The following MIS18A variants were observed in gnomAD, a reference collection of about 807,000 sequenced individuals.
MIS18A encodes the protein protein Mis18-alpha.
MIS18A carries 14 observed loss-of-function variants against 25.0 expected under a neutral mutation model. The observed-to-expected ratio is 0.56, with a 90% confidence interval of 0.37 to 0.88. The LOEUF (loss-of-function observed/expected upper bound fraction) is 0.88. Ranked by LOEUF, MIS18A falls within the 40% of genes least tolerant of loss-of-function variation. The pLI is 0.00. For synonymous variants in MIS18A, 134 were observed against 118.6 expected, an observed-to-expected ratio of 1.13 and a Z score of -0.84; for missense variants, 292 against 290.8, an observed-to-expected ratio of 1.00 and a Z score of -0.03.
chr21:32,241,111 G>A, the MIS18A span, among the ~76,000 whole-genome samples: 2 of 152,174 alleles, frequency 1.3e-5, no homozygotes, highest in African/African-American at 4.8e-5. Context: ...AGAGACCGTA[G>A]TGATTTTTAT....
At chr21:32,274,753 C>A in intron 2 of MIS18A, 77 bp downstream of exon 2, 2 of 1,097,482 alleles carry the variant, frequency 1.8e-6, no homozygotes, top group South Asian at 2.8e-5. Flanking sequence ...AGTAATCTTA[C>A]TACTAGTAAT....
chr21:32,174,200 T>A, the MIS18A span, among the ~76,000 whole-genome samples: 1 of 151,986 alleles, frequency 6.6e-6, no homozygotes, highest in South Asian at 2.1e-4. Flanking sequence ...CCTGACCTCA[T>A]GATCCGCCCG....
chr21:32,216,986 G>A, the MIS18A span, among the ~76,000 whole-genome samples: 5 of 152,060 alleles, frequency 3.3e-5, no homozygotes, highest in Admixed American at 1.3e-4. Context: ...CAAACAGCAA[G>A]AACAAACCCT....
chr21:32,275,029 G>A (rs954523949), intron 1 of MIS18A, 133 bp from the exon 2 acceptor site: 2 of 709,030 alleles, frequency 2.8e-6, no homozygotes, highest in Non-Finnish European at 4.7e-6. Context: ...ACACAAAAGA[G>A]CGGTTTAAAA....
chr21:32,175,896 CTGTTT>C, the MIS18A span, among the ~76,000 whole-genome samples: 1 of 152,022 alleles, frequency 6.6e-6, no homozygotes, highest in South Asian at 2.1e-4. Flanking sequence ...ATATGCCTTT[CTGTTT>C]TAATTTTTTT....
chr21:32,227,237 T>G, the MIS18A span, among the ~76,000 whole-genome samples: 2 of 151,398 alleles, frequency 1.3e-5, no homozygotes, highest in African/African-American at 4.8e-5. Context: ...AAATAGAGAA[T>G]AGAAAGTAAT....
chr21:32,275,957 G>A (rs2031800299), intron 1 of MIS18A, among the ~76,000 whole-genome samples: 1 of 151,882 alleles, frequency 6.6e-6, no homozygotes, highest in African/African-American at 2.4e-5. Flanking sequence ...GAAAATGCGG[G>A]GTCACATTAC....
the MIS18A span, among the ~76,000 whole-genome samples, chr21:32,199,953 C>CA: frequency 1.3e-5 from 2 of 152,176 alleles, no homozygotes; most frequent in Non-Finnish European, 2.9e-5. Context: ...AAGTGTGTTT[C>CA]AAGAATTGGA....
At chr21:32,236,334 G>T in the MIS18A span, among the ~76,000 whole-genome samples, 1 of 152,080 alleles carries the variant, frequency 6.6e-6, no homozygotes, top group African/African-American at 2.4e-5. Flanking sequence ...AGTGAGCTAA[G>T]ATCGCACCAC....
the MIS18A span, among the ~76,000 whole-genome samples, chr21:32,163,088 A>G: frequency 6.6e-6 from 1 of 152,198 alleles, no homozygotes; most frequent in Non-Finnish European, 1.5e-5. Context: ...AGACATTCTC[A>G]TCAGCTCTGT....
chr21:32,192,003 A>T, the MIS18A span, among the ~76,000 whole-genome samples: 2 of 152,228 alleles, frequency 1.3e-5, no homozygotes, highest in African/African-American at 4.8e-5. Flanking sequence ...TTTCTCCTTC[A>T]AACAAAGGTG....
chr21:32,187,073 C>T, the MIS18A span, among the ~76,000 whole-genome samples: 17 of 152,088 alleles, frequency 1.1e-4, no homozygotes, highest in South Asian at 2.1e-4. Context: ...AGCCTGACAC[C>T]GGTGCAGCTG....
the MIS18A span, among the ~76,000 whole-genome samples, chr21:32,202,058 G>T: frequency 7.9e-5 from 12 of 152,152 alleles, no homozygotes; most frequent in African/African-American, 2.9e-4. Context: ...GGAGACCAAG[G>T]AATGTGGATC....
the MIS18A span, among the ~76,000 whole-genome samples, chr21:32,189,264 T>C: frequency 1.3e-5 from 2 of 152,176 alleles, no homozygotes; most frequent in East Asian, 1.9e-4. Flanking sequence ...TACTTCACTT[T>C]ATTTTATTTT....
At chr21:32,269,624 A>G in intron 4 of MIS18A, 83 bp downstream of exon 4, 1 of 785,502 alleles carries the variant, frequency 1.3e-6, no homozygotes. Flanking sequence ...AGATGACGTT[A>G]TGAGAATTAT....
the MIS18A span, among the ~76,000 whole-genome samples, chr21:32,232,909 TC>T: frequency 4.6e-5 from 7 of 152,312 alleles, no homozygotes; most frequent in South Asian, 1.2e-3. Context: ...TTAGGTGCTC[TC>T]TACAGGGTAT....
At chr21:32,208,252 G>A in the MIS18A span, among the ~76,000 whole-genome samples, 3 of 152,138 alleles carry the variant, frequency 2.0e-5, no homozygotes, top group Non-Finnish European at 2.9e-5. Context: ...ATCTCTTGTC[G>A]AATTCTAATC....
the MIS18A span, among the ~76,000 whole-genome samples, chr21:32,192,877 G>T: frequency 2.3e-3 from 353 of 152,306 alleles, 2 homozygotes; most frequent in African/African-American, 7.7e-3. Context: ...GCTTCTAGGA[G>T]CTATAAGATG....
chr21:32,259,504 C>T, the MIS18A span, among the ~76,000 whole-genome samples: 6 of 152,192 alleles, frequency 3.9e-5, no homozygotes, highest in Non-Finnish European at 8.8e-5. Context: ...CTACTCTGGA[C>T]CTTCCTACTT....
Sources: allele counts gnomAD v4.1 joint callset (sites outside exome capture counted in the v4.1 genomes callset), GRCh38; gene constraint gnomAD v4.1.1; transcripts MANE v1.5; gene names NCBI Gene and HGNC (gene_info 2026-07-23, HGNC 2026-07-21).